EMC2: variants seen among roughly 807,000 people sequenced by gnomAD.
The protein encoded by EMC2 is TPR repeat protein 35.
A neutral mutation model predicts 51.6 loss-of-function variants in EMC2; 37 were observed. The ratio of observed to expected loss-of-function variants is 0.72; its 90% CI spans 0.55 to 0.94. The LOEUF is 0.94. Among genes scored for constraint, EMC2 ranks in the 40% least tolerant of loss-of-function variants. The pLI is 0.00. For missense variants in EMC2, 359 were observed against 350.9 expected (o/e 1.02, Z -0.18); for synonymous variants, 131 against 112.4 (o/e 1.17, Z -1.04).
intron 7 of EMC2, among the ~76,000 whole-genome samples, chr8:108,470,432 T>A (rs992405716): frequency 2.0e-5 from 3 of 152,198 alleles, no homozygotes; most frequent in African/African-American, 4.8e-5. Flanking sequence ...AAGTTTATTT[T>A]TGGTAAATCA....
At chr8:108,478,905 A>T (rs2130408174) in intron 9 of EMC2, 101 bp from the exon 10 acceptor site, 1 of 432,040 alleles carries the variant, frequency 2.3e-6, no homozygotes, top group East Asian at 3.6e-5. Flanking sequence ...ACAGTTTTTA[A>T]AAATTCTTTA....
chr8:108,455,005 T>G (rs1220756573), intron 4 of EMC2, among the ~76,000 whole-genome samples: 1 of 152,084 alleles, frequency 6.6e-6, no homozygotes, highest in Admixed American at 6.5e-5. Context: ...AGATTTTCTC[T>G]TTGTTTTTGA....
intron 10 of EMC2, among the ~76,000 whole-genome samples, chr8:108,484,647 G>A (rs1395696503): frequency 6.6e-6 from 1 of 151,858 alleles, no homozygotes; most frequent in Admixed American, 6.6e-5. Context: ...ATGTTACTAT[G>A]TGATGTCCTA....
At chr8:108,461,728 A>G (rs149209161) in intron 5 of EMC2, among the ~76,000 whole-genome samples, 2 of 152,332 alleles carry the variant, frequency 1.3e-5, no homozygotes, top group African/African-American at 4.8e-5. Flanking sequence ...TGAGAAAGTC[A>G]TACACATGTT....
At chr8:108,482,991 T>C (rs959366459) in intron 10 of EMC2, among the ~76,000 whole-genome samples, 4 of 152,084 alleles carry the variant, frequency 2.6e-5, no homozygotes, top group Non-Finnish European at 5.9e-5. Flanking sequence ...GTCCCGTCCA[T>C]GGAAGCTAGT....
At chr8:108,479,945 G>A (rs1423657900) in intron 10 of EMC2, among the ~76,000 whole-genome samples, 1 of 152,034 alleles carries the variant, frequency 6.6e-6, no homozygotes, top group African/African-American at 2.4e-5. Context: ...GAAATATGAT[G>A]CCGTCTTGAC....
chr8:108,452,501 A>G (rs1819052257), intron 3 of EMC2, among the ~76,000 whole-genome samples: 1 of 152,142 alleles, frequency 6.6e-6, no homozygotes, highest in Non-Finnish European at 1.5e-5. Flanking sequence ...CAGGAGGTGG[A>G]GTTTGCAGTG....
intron 3 of EMC2, among the ~76,000 whole-genome samples, chr8:108,452,002 T>G (rs1819036107): frequency 6.6e-6 from 1 of 152,234 alleles, no homozygotes; most frequent in South Asian, 2.1e-4. Flanking sequence ...TATTACCAGT[T>G]AATAGTTTCA....
At chr8:108,452,439 C>T (rs1385821063) in intron 3 of EMC2, among the ~76,000 whole-genome samples, 4 of 151,978 alleles carry the variant, frequency 2.6e-5, no homozygotes, top group Admixed American at 2.6e-4. Context: ...TGGTGACAGG[C>T]GCCTGTAGTC....
intron 5 of EMC2, among the ~76,000 whole-genome samples, chr8:108,469,179 A>C (rs1810800600): frequency 6.6e-6 from 1 of 152,080 alleles, no homozygotes; most frequent in African/African-American, 2.4e-5. Flanking sequence ...TTATCTTTAT[A>C]TTTTCATTGT....
At chr8:108,464,893 C>T (rs1337874772) in intron 5 of EMC2, among the ~76,000 whole-genome samples, 1 of 152,164 alleles carries the variant, frequency 6.6e-6, no homozygotes, top group Non-Finnish European at 1.5e-5. Flanking sequence ...ATTTTCCAGG[C>T]TTCTAGGTAT....
chr8:108,462,241 CAGGG>C (rs966021048), intron 5 of EMC2, among the ~76,000 whole-genome samples: 4 of 38,596 alleles, frequency 1.0e-4, no homozygotes, highest in Non-Finnish European at 2.0e-4. Flanking sequence ...ATTCCTCTGA[CAGGG>C]AGAATGGTTA....
At chr8:108,454,358 T>C (rs2130347052) in intron 4 of EMC2, among the ~76,000 whole-genome samples, 1 of 152,192 alleles carries the variant, frequency 6.6e-6, no homozygotes. Context: ...TCTCTCTCAG[T>C]GTATCAGTTA....
intron 1 of EMC2, among the ~76,000 whole-genome samples, chr8:108,447,024 G>A (rs562396184): frequency 1.3e-5 from 2 of 152,208 alleles, no homozygotes; most frequent in Admixed American, 6.5e-5. Context: ...TTTAAAAAAA[G>A]TTCTCTTTCC....
At chr8:108,466,772 A>G (rs1359593278) in intron 5 of EMC2, among the ~76,000 whole-genome samples, 2 of 152,084 alleles carry the variant, frequency 1.3e-5, no homozygotes, top group East Asian at 3.9e-4. Context: ...TCTTTTTTAC[A>G]AGCCTTTTTT....
intron 5 of EMC2, among the ~76,000 whole-genome samples, chr8:108,467,873 C>T (rs1304343392): frequency 6.6e-6 from 1 of 152,182 alleles, no homozygotes; most frequent in Admixed American, 6.5e-5. Context: ...AACACGTAAA[C>T]ATTAAGTCTA....
At chr8:108,465,682 C>T (rs987726313) in intron 5 of EMC2, among the ~76,000 whole-genome samples, 1 of 151,996 alleles carries the variant, frequency 6.6e-6, no homozygotes, top group Non-Finnish European at 1.5e-5. Flanking sequence ...TTCAGAACAT[C>T]GATTAAGGCT....
intron 5 of EMC2, among the ~76,000 whole-genome samples, chr8:108,456,359 A>AAAAAAAAAAAC (rs1819158373): frequency 8.7e-5 from 13 of 150,044 alleles, no homozygotes; most frequent in African/African-American, 2.9e-4. Context: ...AAAAAAAAAA[A>AAAAAAAAAAAC]AACAACTTCT....
chr8:108,454,339 C>T (rs1357811513), intron 4 of EMC2, among the ~76,000 whole-genome samples: 5 of 152,020 alleles, frequency 3.3e-5, no homozygotes, highest in South Asian at 2.1e-4. Context: ...TATAGAATTT[C>T]GTATTTTCTC....
Sources: gnomAD v4.1 joint callset for allele counts (sites outside exome capture counted in the v4.1 genomes callset) on GRCh38, gnomAD v4.1.1 for gene constraint, MANE v1.5 for transcripts, NCBI Gene and HGNC (gene_info 2026-07-23, HGNC 2026-07-21) for gene names.